Variants in CSGALNACT1 observed in about 807,000 individuals in gnomAD.
CSGALNACT1 encodes chondroitin sulfate N-acetylgalactosaminyltransferase 1, also known as beta4GalNAcT-1.
In CSGALNACT1, 52 loss-of-function variants were observed where a neutral mutation model predicts 51.0. The ratio of observed to expected loss-of-function variants is 1.02; its 90% confidence interval spans 0.82 to 1.29. The LOEUF is 1.29. Ranked by LOEUF, CSGALNACT1 falls within the 50% of genes most tolerant of loss-of-function variation. The pLI, the probability that CSGALNACT1 is intolerant of heterozygous loss-of-function variation, is 0.00. For synonymous variants in CSGALNACT1, 341 were observed against 254.4 expected (o/e 1.34, Z -3.24); for missense variants, 935 against 679.2 (o/e 1.38, Z -4.19).
chr8:19,492,235 C>T (rs371686650), intron 4 of CSGALNACT1, among the ~76,000 whole-genome samples: 2 of 152,180 alleles, frequency 1.3e-5, no homozygotes, highest in South Asian at 4.1e-4. Flanking sequence ...ACAGCCCTCA[C>T]AATGAGATCA....
intron 1 of CSGALNACT1, among the ~76,000 whole-genome samples, chr8:19,754,496 A>G (rs2065234705): frequency 6.6e-6 from 1 of 152,240 alleles, no homozygotes; most frequent in Non-Finnish European, 1.5e-5. Flanking sequence ...AAATACCTAG[A>G]TGAAAACCAT....
chr8:19,488,604 T>C (rs575768969), intron 4 of CSGALNACT1, among the ~76,000 whole-genome samples: 142 of 151,348 alleles, frequency 9.4e-4, no homozygotes, highest in African/African-American at 3.3e-3. Flanking sequence ...AGGGAAGGAG[T>C]GTAAACAATT....
chr8:19,477,747 T>C (rs1180768231), intron 4 of CSGALNACT1, among the ~76,000 whole-genome samples: 3 of 152,198 alleles, frequency 2.0e-5, no homozygotes, highest in Non-Finnish European at 4.4e-5. Flanking sequence ...AGAATGATCG[T>C]AATACAATAG....
chr8:19,642,788 C>CA (rs756974494), intron 1 of CSGALNACT1, among the ~76,000 whole-genome samples: 9,131 of 83,064 alleles, frequency 0.11, 264 homozygotes, highest in Middle Eastern at 0.16. Context: ...GACCCTGTCA[C>CA]AAAAAAAAAA....
chr8:19,587,434 G>A (rs927545443), intron 3 of CSGALNACT1, among the ~76,000 whole-genome samples: 6 of 152,166 alleles, frequency 3.9e-5, no homozygotes, highest in Non-Finnish European at 8.8e-5. Flanking sequence ...TAAGGATGCT[G>A]TGTCCCACCC....
chr8:19,588,231 T>C (rs1040248244), intron 3 of CSGALNACT1, among the ~76,000 whole-genome samples: 1 of 151,898 alleles, frequency 6.6e-6, no homozygotes, highest in African/African-American at 2.4e-5. Flanking sequence ...AAAAAAGATA[T>C]ATACATATAC....
intron 1 of CSGALNACT1, among the ~76,000 whole-genome samples, chr8:19,607,533 T>A (rs750741736): frequency 6.6e-6 from 1 of 152,178 alleles, no homozygotes; most frequent in Non-Finnish European, 1.5e-5. Context: ...CCACATGCAA[T>A]TGTTCATTTT....
intron 3 of CSGALNACT1, among the ~76,000 whole-genome samples, chr8:19,550,476 T>C (rs1035325856): frequency 2.0e-5 from 3 of 152,202 alleles, no homozygotes; most frequent in African/African-American, 7.2e-5. Flanking sequence ...ATGGATGCAA[T>C]ATCTTCTCTA....
chr8:19,683,455 T>G (rs4548199), upstream of CSGALNACT1, among the ~76,000 whole-genome samples: 15,167 of 152,242 alleles, frequency 0.1, 879 homozygotes, highest in Non-Finnish European at 0.12. Context: ...TTTGGTAAGG[T>G]GTCAAGTTCT....
At chr8:19,459,768 G>C (rs967679021) in intron 4 of CSGALNACT1, among the ~76,000 whole-genome samples, 5 of 152,174 alleles carry the variant, frequency 3.3e-5, no homozygotes, top group Admixed American at 3.3e-4. Context: ...AAAGAAGTTA[G>C]AACAGTACAA....
chr8:19,424,971 G>T (rs1003099944), intron 6 of CSGALNACT1, among the ~76,000 whole-genome samples: 4 of 152,262 alleles, frequency 2.6e-5, no homozygotes, highest in African/African-American at 7.2e-5. Context: ...GATTCCGATT[G>T]TGAAAGAAAA....
chr8:19,460,504 G>A (rs2065124713), intron 4 of CSGALNACT1, among the ~76,000 whole-genome samples: 1 of 152,138 alleles, frequency 6.6e-6, no homozygotes, highest in African/African-American at 2.4e-5. Context: ...GAGGGTGAAT[G>A]ACAGTACCAT....
chr8:19,637,639 G>T (rs979459494), intron 1 of CSGALNACT1, among the ~76,000 whole-genome samples: 1 of 152,214 alleles, frequency 6.6e-6, no homozygotes, highest in African/African-American at 2.4e-5. Context: ...AGCACATCTA[G>T]TAAGGAGTTT....
At chr8:19,454,205 G>A (rs1366912818) in intron 5 of CSGALNACT1, among the ~76,000 whole-genome samples, 1 of 152,136 alleles carries the variant, frequency 6.6e-6, no homozygotes. Context: ...AAACACTTGC[G>A]ACGTTTCTTG....
intron 4 of CSGALNACT1, among the ~76,000 whole-genome samples, chr8:19,491,115 G>A (rs541325777): frequency 6.6e-6 from 1 of 150,928 alleles, no homozygotes; most frequent in South Asian, 2.1e-4. Context: ...CTTTGCTACA[G>A]TGTTTTCATC....
At chr8:19,589,287 T>C (rs571476260) in intron 3 of CSGALNACT1, among the ~76,000 whole-genome samples, 41 of 152,338 alleles carry the variant, frequency 2.7e-4, no homozygotes, top group Non-Finnish European at 1.0e-4. Flanking sequence ...TAAAGCTACC[T>C]AATTTTTCAA....
At chr8:19,486,089 A>T (rs1253249343) in intron 4 of CSGALNACT1, among the ~76,000 whole-genome samples, 1 of 151,656 alleles carries the variant, frequency 6.6e-6, no homozygotes, top group African/African-American at 2.4e-5. Context: ...TTTAAGAAAA[A>T]TATGTAAATA....
intron 3 of CSGALNACT1, among the ~76,000 whole-genome samples, chr8:19,576,959 C>A (rs949852447): frequency 6.6e-6 from 1 of 152,100 alleles, no homozygotes; most frequent in Non-Finnish European, 1.5e-5. Flanking sequence ...CTCGCTTACC[C>A]CCCTCTTAGA....
intron 5 of CSGALNACT1, among the ~76,000 whole-genome samples, chr8:19,447,538 C>G (rs2062351780): frequency 6.6e-6 from 1 of 152,086 alleles, no homozygotes; most frequent in Non-Finnish European, 1.5e-5. Flanking sequence ...CAGTTTAGAC[C>G]CACTAACTAT....
Sources: allele counts gnomAD v4.1 joint callset (sites outside exome capture counted in the v4.1 genomes callset), GRCh38; gene constraint gnomAD v4.1.1; transcripts MANE v1.5; gene names NCBI Gene and HGNC (gene_info 2026-07-23, HGNC 2026-07-21).